The following GNG12 variants were observed in gnomAD, a reference collection of about 807,000 sequenced individuals.
GNG12 encodes guanine nucleotide-binding protein G(I)/G(S)/G(O) subunit gamma-12.
For synonymous variants in GNG12, 28 were observed against 29.7 expected (o/e 0.94, Z 0.19); for missense variants, 69 against 83.8 (o/e 0.82, Z 0.69).
chr1:67,720,074 G>T (rs148193027), intron 2 of GNG12, among the ~76,000 whole-genome samples: 1 of 152,202 alleles, frequency 6.6e-6, no homozygotes. Context: ...ACTGTTCTGA[G>T]CCCACAGATG....
intron 1 of GNG12, among the ~76,000 whole-genome samples, chr1:67,833,049 C>T (rs1647059393): frequency 6.6e-6 from 1 of 151,872 alleles, no homozygotes; most frequent in Admixed American, 6.5e-5. Context: ...TTCCCGCAAC[C>T]TCGGGCGGCC....
At chr1:67,746,323 G>A (rs1165918268) in intron 2 of GNG12, among the ~76,000 whole-genome samples, 2 of 152,098 alleles carry the variant, frequency 1.3e-5, no homozygotes, top group Non-Finnish European at 2.9e-5. Flanking sequence ...ATAAAGAAAC[G>A]TTTCTCTTCC....
intron 2 of GNG12, among the ~76,000 whole-genome samples, chr1:67,724,952 T>G (rs1420545312): frequency 1.3e-5 from 2 of 152,266 alleles, no homozygotes; most frequent in Admixed American, 1.3e-4. Context: ...TATCAGTTAT[T>G]TTTATCATTA....
In GNG12 at chr1:67,770,182, A is replaced by G. The variant is rs148104137; in HGVS notation, c.-27+7276T>C. Among the ~76,000 whole-genome samples, 11 of 152,326 alleles carry G rather than the reference A, an allele frequency of 7.2e-5. No individual in the cohort carries two copies. The East Asian group carries it at 2.1e-3, about 29-fold the overall frequency. ...CTAAGAAGATGGCTCTAAGACCCAG[A>G]AGGAGGACACAAACAGGTCAGGACG... On this transcript the variant is annotated intron_variant, in intron 2 of 3. Transcript: ENST00000370982.
At chr1:67,720,018 G>T (rs1288422334) in intron 2 of GNG12, among the ~76,000 whole-genome samples, 2 of 152,218 alleles carry the variant, frequency 1.3e-5, no homozygotes, top group South Asian at 4.1e-4. Context: ...CTTAGAAACA[G>T]GATACACCTT....
rs1272233117 is a variant in GNG12 at position 67,702,886 on chromosome 1, C to T, written c.*2565G>A. 1.3e-5 allele frequency: 2 copies of T among 152,076 alleles called. No individual in the cohort carries two copies. Among genetic ancestry groups the T allele is most frequent in the East Asian group, 1.9e-4 (1 of 5,194 alleles). 9.4% of individuals were successfully genotyped at this position (152,076 alleles called of 1,614,324 possible). ...GAAGCCAAGAAGTTGCATGTATATA[C>T]GTGAGAAAGATTATCATTACAGTGG... is the stretch of plus-strand genomic sequence containing the variant. On this transcript the variant is annotated 3_prime_UTR_variant, in exon 4 of 4. Transcript: ENST00000370982.
At chr1:67,727,389 T>C (rs1229551109) in intron 2 of GNG12, among the ~76,000 whole-genome samples, 36 of 152,210 alleles carry the variant, frequency 2.4e-4, no homozygotes, top group African/African-American at 4.8e-5. Context: ...TTATGCAAAA[T>C]GTAAGTCAAA....
intron 2 of GNG12, among the ~76,000 whole-genome samples, chr1:67,709,904 T>TTTATATAGTTATA (rs1646273613): frequency 1.5e-5 from 1 of 66,630 alleles, no homozygotes; most frequent in African/African-American, 6.8e-5. Context: ...ATATATATTT[T>TTTATATAGTTATA]TATATAGTTA....
At chr1:67,767,935 C>G (rs1374344941) in intron 2 of GNG12, among the ~76,000 whole-genome samples, 1 of 152,154 alleles carries the variant, frequency 6.6e-6, no homozygotes, top group Non-Finnish European at 1.5e-5. Context: ...CAGTGTTCTG[C>G]AAATTTGATT....
At chr1:67,714,717 C>T (rs976592857) in intron 2 of GNG12, among the ~76,000 whole-genome samples, 1 of 152,224 alleles carries the variant, frequency 6.6e-6, no homozygotes, top group East Asian at 1.9e-4. Flanking sequence ...AATTGTGTCC[C>T]CCAAAATTTA....
intron 1 of GNG12, among the ~76,000 whole-genome samples, chr1:67,824,604 G>T (rs950034839): frequency 6.6e-6 from 1 of 151,876 alleles, no homozygotes; most frequent in African/African-American, 2.4e-5. Context: ...TTTGTATATG[G>T]TTATAATGTT....
chr1:67,806,346 A>G (rs1468792210), intron 1 of GNG12, among the ~76,000 whole-genome samples: 1 of 152,218 alleles, frequency 6.6e-6, no homozygotes, highest in African/African-American at 2.4e-5. Context: ...ATCCTGGAAC[A>G]ACACAGGTTT....
Position 67,814,545 on chromosome 1 carries a change from A to G in GNG12, c.-77+18799T>C, listed in dbSNP as rs1206079463. Reference sequence around the variant, plus strand: ...TGAGACAGTTTAAAAATGAATTTACATAAGTGATTGCTGGGCTTTTTATAA... The same window carrying G: ...TGAGACAGTTTAAAAATGAATTTACGTAAGTGATTGCTGGGCTTTTTATAA... On this transcript the variant is annotated intron_variant, in intron 1 of 3. Coordinates refer to ENST00000370982, the MANE Select transcript of GNG12 (RefSeq NM_018841.6). 2.0e-5 allele frequency among the ~76,000 whole-genome samples: 3 copies of G among 152,224 alleles called. No individual in the cohort carries two copies. In the East Asian group the frequency reaches 5.8e-4, roughly 29 times the overall value.
At chr1:67,766,449 T>A (rs996052498) in intron 2 of GNG12, among the ~76,000 whole-genome samples, 87 of 152,150 alleles carry the variant, frequency 5.7e-4, no homozygotes, top group African/African-American at 2.0e-3. Context: ...AGCCCAGCCC[T>A]TCGGCACAGT....
intron 1 of GNG12, among the ~76,000 whole-genome samples, chr1:67,796,133 G>T (rs1028591828): frequency 3.3e-5 from 5 of 152,106 alleles, no homozygotes; most frequent in African/African-American, 1.2e-4. Flanking sequence ...GAAAATAAAT[G>T]CCCTACTGAC....
intron 2 of GNG12, 60 bp from the exon 3 acceptor site, chr1:67,707,772 T>C (rs1211423063): frequency 1.2e-6 from 1 of 809,026 alleles, no homozygotes; most frequent in Admixed American, 2.5e-5. Flanking sequence ...TAAACATTCA[T>C]AATAATATGT....
intron 2 of GNG12, among the ~76,000 whole-genome samples, chr1:67,740,495 A>G (rs1260625563): frequency 1.3e-5 from 2 of 152,278 alleles, no homozygotes; most frequent in Non-Finnish European, 2.9e-5. Flanking sequence ...AAGACTGTGT[A>G]GCCCACAAAG....
At position 67,705,437 on chromosome 1, in the gene GNG12, G is replaced by A. The variant is rs1570470445; in HGVS notation, c.*14C>T. ...CGTTGTTGGGAAGAGGCGAGGAGCTGTTTCTCTATTCCACTATAAGATGAT... is the reference window on the plus strand; with the variant it reads ...CGTTGTTGGGAAGAGGCGAGGAGCTATTTCTCTATTCCACTATAAGATGAT... On this transcript the variant is annotated 3_prime_UTR_variant, in exon 4 of 4. Coordinates refer to ENST00000370982, the MANE Select transcript of GNG12 (RefSeq NM_018841.6). 2.5e-6 allele frequency: 4 copies of A among 1,612,642 alleles called. No individual in the cohort carries two copies. The Middle Eastern group carries it at 5.0e-4, about 200-fold the overall frequency.
intron 2 of GNG12, among the ~76,000 whole-genome samples, chr1:67,745,519 C>G (rs1035100359): frequency 6.6e-6 from 1 of 152,176 alleles, no homozygotes; most frequent in Non-Finnish European, 1.5e-5. Flanking sequence ...CTCCCACATA[C>G]GAATTTTATA....
Sources: gnomAD v4.1 joint callset for allele counts (sites outside exome capture counted in the v4.1 genomes callset) on GRCh38, gnomAD v4.1.1 for gene constraint, MANE v1.5 for transcripts, NCBI Gene and HGNC (gene_info 2026-07-23, HGNC 2026-07-21) for gene names.